The following GPC5 variants were observed in gnomAD, a reference collection of about 807,000 sequenced individuals.
GPC5 encodes glypican 5.
GPC5 carries 47 observed loss-of-function variants against 53.9 expected under a neutral mutation model. The ratio of observed to expected loss-of-function variants is 0.87; its 90% CI spans 0.69 to 1.11. The LOEUF is 1.11. Ranked by LOEUF, GPC5 falls within the 50% of genes most tolerant of loss-of-function variation. The probability of loss-of-function intolerance (pLI) is 0.00; values close to 1 mark genes in which losing one functional copy is unlikely to be tolerated. For synonymous variants in GPC5, 286 were observed against 263.3 expected (o/e 1.09, Z -0.84); for missense variants, 748 against 713.1 (o/e 1.05, Z -0.56).
At chr13:92,449,820 G>T (rs1877987279) in intron 7 of GPC5, among the ~76,000 whole-genome samples, 1 of 152,006 alleles carries the variant, frequency 6.6e-6, no homozygotes. Context: ...TGTTTCATAT[G>T]TTTTTATGTT....
intron 6 of GPC5, among the ~76,000 whole-genome samples, chr13:91,928,357 A>T (rs1350035193): frequency 6.6e-6 from 1 of 152,204 alleles, no homozygotes; most frequent in East Asian, 1.9e-4. Flanking sequence ...ATGAAGCCAA[A>T]GGACTTAGTG....
chr13:91,556,096 C>T (rs1013301292), intron 2 of GPC5, among the ~76,000 whole-genome samples: 3 of 151,930 alleles, frequency 2.0e-5, no homozygotes, highest in Non-Finnish European at 4.4e-5. Flanking sequence ...ACTTCTGACC[C>T]CTGGCAACCA....
intron 2 of GPC5, among the ~76,000 whole-genome samples, chr13:91,565,655 A>G (rs912200494): frequency 2.0e-5 from 3 of 152,248 alleles, no homozygotes; most frequent in African/African-American, 7.2e-5. Context: ...CTGGCACACT[A>G]ATGCTGAACA....
At chr13:91,660,142 G>A (rs570056969) in intron 2 of GPC5, among the ~76,000 whole-genome samples, 6 of 152,260 alleles carry the variant, frequency 3.9e-5, no homozygotes, top group African/African-American at 1.4e-4. Context: ...GCTCTACATT[G>A]GAAACAGCAA....
chr13:92,448,174 T>G (rs1877908876), intron 7 of GPC5: 1 of 152,140 alleles, frequency 6.6e-6, no homozygotes, highest in Admixed American at 6.6e-5. Context: ...ACTTTAAAAA[T>G]ATTTTAAGAT....
chr13:92,502,305 A>C (rs1377663106), intron 7 of GPC5, among the ~76,000 whole-genome samples: 1 of 152,026 alleles, frequency 6.6e-6, no homozygotes, highest in East Asian at 1.9e-4. Flanking sequence ...AAAGATGAAT[A>C]AAGATTGAAA....
chr13:92,467,724 C>G (rs1878752895), intron 7 of GPC5, among the ~76,000 whole-genome samples: 1 of 152,120 alleles, frequency 6.6e-6, no homozygotes, highest in Non-Finnish European at 1.5e-5. Flanking sequence ...GCTACACTGC[C>G]TCTCAGTATT....
intron 7 of GPC5, among the ~76,000 whole-genome samples, chr13:92,730,921 T>C (rs895866894): frequency 6.6e-6 from 1 of 151,494 alleles, no homozygotes; most frequent in Non-Finnish European, 1.5e-5. Context: ...TCATATTATA[T>C]AGTGACTACT....
intron 6 of GPC5, among the ~76,000 whole-genome samples, chr13:92,039,827 G>A (rs1304943420): frequency 6.6e-6 from 1 of 152,022 alleles, no homozygotes; most frequent in Non-Finnish European, 1.5e-5. Flanking sequence ...TTGGATTAAG[G>A]CCAACCCATA....
At chr13:92,202,098 T>G (rs2042299223) in intron 7 of GPC5, among the ~76,000 whole-genome samples, 1 of 152,320 alleles carries the variant, frequency 6.6e-6, no homozygotes, top group East Asian at 1.9e-4. Flanking sequence ...TCTCAAACAT[T>G]AAGTGACATG....
At chr13:91,825,749 C>A (rs1158270762) in intron 5 of GPC5, among the ~76,000 whole-genome samples, 1 of 151,998 alleles carries the variant, frequency 6.6e-6, no homozygotes, top group Non-Finnish European at 1.5e-5. Context: ...AAGCCACAGA[C>A]TTACTGGCTT....
chr13:92,654,866 C>T (rs12865160), intron 7 of GPC5, among the ~76,000 whole-genome samples: 36,226 of 151,752 alleles, frequency 0.24, 5,018 homozygotes, highest in South Asian at 0.39. Flanking sequence ...AAAGTTAAGA[C>T]GAATTTACAC....
intron 1 of GPC5, among the ~76,000 whole-genome samples, chr13:91,434,849 C>T (rs1033176822): frequency 1.1e-4 from 17 of 152,044 alleles, no homozygotes; most frequent in Admixed American, 2.0e-4. Context: ...TGTTTGTATC[C>T]TCTTTTATTT....
intron 2 of GPC5, among the ~76,000 whole-genome samples, chr13:91,559,386 G>C (rs1021463901): frequency 6.6e-6 from 1 of 152,106 alleles, no homozygotes; most frequent in Non-Finnish European, 1.5e-5. Flanking sequence ...TGAACTCTCA[G>C]CTAAAGCCAC....
chr13:91,712,320 G>C (rs1246771968), intron 3 of GPC5, among the ~76,000 whole-genome samples: 1 of 151,604 alleles, frequency 6.6e-6, no homozygotes, highest in Non-Finnish European at 1.5e-5. Context: ...GTGTATATGT[G>C]TGTGTGTGTA....
In GPC5 at chr13:92,657,028, A is replaced by T. The variant is rs568069306; in HGVS notation, c.1562-209254A>T. Among the ~76,000 whole-genome samples the T allele has an allele frequency of 4.6e-5, 7 of 152,334 alleles. No individual in the cohort carries two copies. The East Asian group carries it at 9.7e-4, about 21-fold the overall frequency. ...AGCTAGATATTTTCAAAACACAATT[A>T]AAAAAGAAATGAAATAATTTTAGGT... On this transcript the variant is annotated intron_variant, in intron 7 of 7. Transcript: ENST00000377067.
chr13:92,127,221 A>G (rs970627457), intron 6 of GPC5, among the ~76,000 whole-genome samples: 1 of 152,098 alleles, frequency 6.6e-6, no homozygotes, highest in African/African-American at 2.4e-5. Context: ...CTTAAAAGGA[A>G]GCTAGTTTGA....
At chr13:91,747,709 G>A (rs1171744392) in intron 4 of GPC5, among the ~76,000 whole-genome samples, 1 of 150,170 alleles carries the variant, frequency 6.7e-6, no homozygotes, top group East Asian at 2.0e-4. Flanking sequence ...TTCCATAAAT[G>A]TTTGGAAACA....
chr13:92,605,699 C>T (rs1369709772), intron 7 of GPC5, among the ~76,000 whole-genome samples: 1 of 151,672 alleles, frequency 6.6e-6, no homozygotes. Flanking sequence ...ACGCCATTCT[C>T]CTGCCTCAGC....
Sources: allele counts gnomAD v4.1 joint callset (sites outside exome capture counted in the v4.1 genomes callset), GRCh38; gene constraint gnomAD v4.1.1; transcripts MANE v1.5; gene names NCBI Gene and HGNC (gene_info 2026-07-23, HGNC 2026-07-21).